The following MPP4 variants were observed in gnomAD, a reference collection of about 807,000 sequenced individuals.
MPP4 encodes the protein MAGUK p55 scaffold protein 4.
MPP4 carries 91 observed loss-of-function variants against 98.3 expected under a neutral mutation model. The ratio of observed to expected loss-of-function variants is 0.93; its 90% confidence interval spans 0.78 to 1.10. MPP4 has a LOEUF of 1.10. MPP4 is among the 50% of genes least tolerant of loss of function. The probability of loss-of-function intolerance (pLI) is 0.00; values close to 1 mark genes in which losing one functional copy is unlikely to be tolerated. For synonymous variants in MPP4, 261 were observed against 271.8 expected (o/e 0.96, Z 0.39); for missense variants, 744 against 792.9 (o/e 0.94, Z 0.74).
chr2:201,660,011 T>C (rs748485997), intron 15 of MPP4, among the ~76,000 whole-genome samples: 2 of 152,176 alleles, frequency 1.3e-5, no homozygotes, highest in Non-Finnish European at 2.9e-5. Flanking sequence ...GATATGTCAG[T>C]AAGTTTAAAA....
intron 10 of MPP4, 72 bp from the exon 11 acceptor site, chr2:201,675,343 C>G: frequency 7.1e-7 from 1 of 1,403,830 alleles, no homozygotes; most frequent in Non-Finnish European, 9.9e-7. Context: ...ATGAAACAGA[C>G]CCAGAGCAAC....
intron 11 of MPP4, among the ~76,000 whole-genome samples, chr2:201,674,336 A>G (rs1196950412): frequency 6.6e-6 from 1 of 152,212 alleles, no homozygotes; most frequent in Non-Finnish European, 1.5e-5. Context: ...TCATAAACTG[A>G]AAACCCTTCT....
chr2:201,667,719 T>C (rs1414852350), intron 12 of MPP4, among the ~76,000 whole-genome samples: 1 of 152,224 alleles, frequency 6.6e-6, no homozygotes, highest in East Asian at 1.9e-4. Context: ...ACATAGTCTG[T>C]AAAAGTGTAG....
intron 12 of MPP4, among the ~76,000 whole-genome samples, chr2:201,668,284 T>C (rs1023948230): frequency 6.6e-6 from 1 of 152,142 alleles, no homozygotes; most frequent in Non-Finnish European, 1.5e-5. Flanking sequence ...TTCCCCCCAG[T>C]ATTCATATGT....
rs1234609914 is a variant in MPP4 at position 201,657,969 on chromosome 2, G to GT, written c.1129+507dup. ...GTGGCCCCTTGTTTTTTTTTTTTTT[G>GT]TTTTTTTTTTTTCACGCTCCCCTGA... is the stretch of plus-strand genomic sequence containing the variant. On this transcript the variant is annotated intron_variant, in intron 16 of 21. Coordinates refer to ENST00000409474, the MANE Select transcript of MPP4 (RefSeq NM_033066.3). Among the ~76,000 whole-genome samples, 745 of 130,146 alleles carry GT rather than the reference G, an allele frequency of 5.7e-3. 9 individuals are homozygous for GT. In the East Asian group the frequency reaches 0.06, roughly 10 times the overall value. 85.4% of individuals were successfully genotyped at this position (130,146 alleles called of 152,430 possible).
intron 10 of MPP4, among the ~76,000 whole-genome samples, chr2:201,679,617 ATAC>A (rs1245261505): frequency 6.6e-6 from 1 of 152,180 alleles, no homozygotes; most frequent in Non-Finnish European, 1.5e-5. Flanking sequence ...CTCTTCTTGA[ATAC>A]TAAAGCATAT....
chr2:201,660,692 C>T (rs1688000153), intron 14 of MPP4, among the ~76,000 whole-genome samples: 1 of 152,070 alleles, frequency 6.6e-6, no homozygotes, highest in Admixed American at 6.6e-5. Context: ...CCTTCTCCCT[C>T]CTCTCTCCCC....
At chr2:201,671,185 C>T (rs913200343) in intron 11 of MPP4, among the ~76,000 whole-genome samples, 1 of 151,952 alleles carries the variant, frequency 6.6e-6, no homozygotes, top group South Asian at 2.1e-4. Flanking sequence ...TTTTTTCATA[C>T]CCCAGTGGCG....
intron 5 of MPP4, 129 bp downstream of exon 5, chr2:201,687,162 T>C (rs2105944737): frequency 1.4e-6 from 1 of 737,784 alleles, no homozygotes; most frequent in African/African-American, 1.8e-5. Flanking sequence ...TACAATCTGT[T>C]GGTCAGTAAC....
intron 14 of MPP4, among the ~76,000 whole-genome samples, chr2:201,662,611 G>A (rs143416492): frequency 1.3e-5 from 2 of 150,712 alleles, no homozygotes; most frequent in Non-Finnish European, 2.9e-5. Context: ...TACTTATAAC[G>A]AAGCATGGAT....
rs367601144 is a variant in MPP4, at chr2:201,647,741, G to A, written c.1669C>T (p.Arg557Trp). The change falls in exon 21 of 22, where the codon CGG becomes TGG. Residue 557 changes from arginine to tryptophan, a missense_variant. Arg to Trp is a moderately radical substitution (Grantham distance 101, BLOSUM62 -3). Coordinates refer to ENST00000409474, the MANE Select transcript of MPP4 (RefSeq NM_033066.3). Reference sequence around the variant, plus strand: ...TCAGTAATAACCTTGGCATTTTTCCGAGATTGTTTCATACACCTCATATTC... The same window carrying A: ...TCAGTAATAACCTTGGCATTTTTCCAAGATTGTTTCATACACCTCATATTC... ...PSNMRCMKQS[R>W]KNAKVITDYY... The A allele has an allele frequency of 2.3e-5, 37 of 1,613,816 alleles. No individual in the cohort carries two copies. The highest frequency in any genetic ancestry group is 2.7e-5 in the African/African-American group (2 of 75,016).
chr2:201,679,353 T>C (rs1208074), intron 10 of MPP4, among the ~76,000 whole-genome samples: 58,523 of 152,022 alleles, frequency 0.38, 12,459 homozygotes, highest in Middle Eastern at 0.49. Flanking sequence ...GATCACACTA[T>C]GTTTACCTAA....
intron 4 of MPP4, among the ~76,000 whole-genome samples, chr2:201,688,620 T>C (rs1275544075): frequency 6.6e-6 from 1 of 152,004 alleles, no homozygotes; most frequent in Non-Finnish European, 1.5e-5. Flanking sequence ...TTTGGGTTTG[T>C]TTGTTTGTTT....
chr2:201,655,000 A>G, intron 17 of MPP4, 83 bp from the exon 18 acceptor site: 1 of 852,214 alleles, frequency 1.2e-6, no homozygotes, highest in East Asian at 3.0e-5. Flanking sequence ...TAGTCCTTCT[A>G]CTGAAGAAAC....
rs200543394 is a variant in MPP4 at position 201,656,233 on chromosome 2, C to T, written c.1265G>A (p.Arg422His). 15 of 1,604,952 alleles carry T rather than the reference C, an allele frequency of 9.3e-6. No homozygotes were observed. The highest frequency in any genetic ancestry group is 1.3e-5 in the Non-Finnish European group (15 of 1,175,732). ...PYEEVVRYQR[R>H]PSDKYRLIVL... is the part of the protein sequence containing the mutation. ...TATGAGGCGGTACTTGTCTGAAGGG[C>T]GTCGCTGGTACCTCACCACCTCCTC... Residue 422 changes from arginine to histidine, a missense_variant, in exon 17 of 22, where the codon CGC becomes CAC. Arg to His is a conservative substitution (Grantham distance 29). Coordinates refer to ENST00000409474, the MANE Select transcript of MPP4 (RefSeq NM_033066.3).
At chr2:201,666,282 T>C in intron 13 of MPP4, 52 bp downstream of exon 13, 14 of 1,470,126 alleles carry the variant, frequency 9.5e-6, no homozygotes, top group Non-Finnish European at 1.3e-5. Context: ...AATCTATAAT[T>C]GACATGCTTC....
intron 11 of MPP4, among the ~76,000 whole-genome samples, chr2:201,674,508 C>CCTCAGCTGAG (rs1688445226): frequency 6.6e-6 from 1 of 152,014 alleles, no homozygotes. Context: ...CTGAGGTAGA[C>CCTCAGCTGAG]ACATACTGAA....
At chr2:201,658,401 T>G in intron 16 of MPP4, 76 bp downstream of exon 16, 1 of 1,302,402 alleles carries the variant, frequency 7.7e-7, no homozygotes, top group Admixed American at 2.1e-5. Flanking sequence ...CAAAAGAAAC[T>G]TTCAAAACAG....
intron 4 of MPP4, among the ~76,000 whole-genome samples, chr2:201,687,644 T>C (rs777380359): frequency 6.6e-6 from 1 of 152,204 alleles, no homozygotes; most frequent in Non-Finnish European, 1.5e-5. Flanking sequence ...ATGGAGGATG[T>C]ACCAATTTGG....
Sources: gnomAD v4.1 joint callset for allele counts (sites outside exome capture counted in the v4.1 genomes callset) on GRCh38, gnomAD v4.1.1 for gene constraint, MANE v1.5 for transcripts, NCBI Gene and HGNC (gene_info 2026-07-23, HGNC 2026-07-21) for gene names.